TRAM2: variants seen among roughly 807,000 people sequenced by gnomAD.
The protein encoded by TRAM2 is translocation associated membrane protein 2, also known as translocating chain-associated membrane protein 2.
TRAM2 carries 12 observed loss-of-function variants against 51.0 expected under a neutral mutation model. The ratio of observed to expected loss-of-function variants is 0.24; its 90% confidence interval spans 0.15 to 0.38. The LOEUF (loss-of-function observed/expected upper bound fraction) is 0.38. TRAM2 is among the 10% of genes least tolerant of loss of function. TRAM2 has a pLI of 1.00. For missense variants in TRAM2, 361 were observed against 462.0 expected (o/e 0.78, Z 2.00); for synonymous variants, 175 against 179.4 (o/e 0.98, Z 0.20).
chr6:52,514,927 G>A (rs1315745955), intron 4 of TRAM2, among the ~76,000 whole-genome samples: 1 of 152,224 alleles, frequency 6.6e-6, no homozygotes, highest in South Asian at 2.1e-4. Context: ...TTGCCTGAGA[G>A]GACAGAAGTC....
intron 2 of TRAM2, among the ~76,000 whole-genome samples, chr6:52,531,002 C>A (rs1019882649): frequency 1.2e-4 from 18 of 151,770 alleles, no homozygotes; most frequent in Admixed American, 6.6e-5. Flanking sequence ...AAATGATGGA[C>A]CCCCTTGTAT....
chr6:52,508,208 A>G, intron 6 of TRAM2, 26 bp downstream of exon 6: 4 of 1,610,744 alleles, frequency 2.5e-6, no homozygotes, highest in Non-Finnish European at 3.4e-6. Context: ...AATGGCCTCC[A>G]AGAAGGGAGA....
At chr6:52,509,886 C>T (rs1472566077) in intron 4 of TRAM2, among the ~76,000 whole-genome samples, 1 of 152,172 alleles carries the variant, frequency 6.6e-6, no homozygotes, top group Admixed American at 6.5e-5. Context: ...TAATTAGTTT[C>T]CCTAAGCCAC....
intron 1 of TRAM2, among the ~76,000 whole-genome samples, chr6:52,569,363 C>G (rs62405880): frequency 6.7e-5 from 10 of 148,270 alleles, no homozygotes; most frequent in Non-Finnish European, 1.0e-4. Context: ...GTACTCCAGC[C>G]TGGGCGACAA....
intron 2 of TRAM2, among the ~76,000 whole-genome samples, chr6:52,521,353 G>C (rs538967448): frequency 6.6e-6 from 1 of 151,874 alleles, no homozygotes; most frequent in Non-Finnish European, 1.5e-5. Context: ...TGATGTTTTT[G>C]ATTTTTTTTT....
chr6:52,509,476 A>G, intron 5 of TRAM2, 52 bp downstream of exon 5: 1 of 1,576,960 alleles, frequency 6.3e-7, no homozygotes, highest in Non-Finnish European at 8.7e-7. Flanking sequence ...TGGGACAGGA[A>G]GGCAGTGGGC....
chr6:52,528,185 T>C (rs1766818074), intron 2 of TRAM2, among the ~76,000 whole-genome samples: 1 of 152,202 alleles, frequency 6.6e-6, no homozygotes, highest in African/African-American at 2.4e-5. Flanking sequence ...CAGCCCCTCC[T>C]TGGCTCTCGC....
At chr6:52,508,163 T>C in intron 6 of TRAM2, 71 bp downstream of exon 6, 1 of 1,399,934 alleles carries the variant, frequency 7.1e-7, no homozygotes, top group Non-Finnish European at 1.0e-6. Flanking sequence ...GGAAGGGAGG[T>C]ACCCCTGGGA....
chr6:52,517,382 A>C (rs1766571291), intron 2 of TRAM2: 1 of 152,328 alleles, frequency 6.6e-6, no homozygotes, highest in African/African-American at 2.4e-5. Flanking sequence ...TAAGTGCTAT[A>C]TATGCACTTG....
intron 1 of TRAM2, among the ~76,000 whole-genome samples, chr6:52,557,836 A>G (rs188983507): frequency 1.1e-4 from 16 of 152,274 alleles, no homozygotes; most frequent in African/African-American, 3.8e-4. Flanking sequence ...GTTCTCTGCA[A>G]TCTGTTTAGT....
intron 2 of TRAM2, among the ~76,000 whole-genome samples, chr6:52,521,904 A>G (rs1019354008): frequency 6.6e-6 from 1 of 152,194 alleles, no homozygotes; most frequent in African/African-American, 2.4e-5. Context: ...AGTCCAGCAC[A>G]TCTCTGGCCT....
At position 52,510,970 on chromosome 6, in the gene TRAM2, G is replaced by T. The variant is rs769430264; in HGVS notation, c.412-1384C>A. 1.4e-4 allele frequency among the ~76,000 whole-genome samples: 21 copies of T among 152,334 alleles called. No individual in the cohort carries two copies. The Middle Eastern group carries it at 0.01, about 74-fold the overall frequency. On this transcript the variant is annotated intron_variant, in intron 4 of 10. Coordinates refer to ENST00000182527, the MANE Select transcript of TRAM2 (RefSeq NM_012288.4). Reference sequence around the variant, plus strand: ...AATGAATGAATGATGAATGCTTTGGGCAATTTCTCTCTTCTGAAGAAAGGG... The same window carrying T: ...AATGAATGAATGATGAATGCTTTGGTCAATTTCTCTCTTCTGAAGAAAGGG...
At chr6:52,514,446 A>C (rs1230469143) in intron 4 of TRAM2, among the ~76,000 whole-genome samples, 2 of 152,036 alleles carry the variant, frequency 1.3e-5, no homozygotes, top group African/African-American at 4.8e-5. Flanking sequence ...TGCCTATTGA[A>C]TATGTTGAGT....
intron 8 of TRAM2, 136 bp from the exon 9 acceptor site, chr6:52,505,878 T>A: frequency 7.1e-7 from 1 of 1,399,690 alleles, no homozygotes; most frequent in Non-Finnish European, 9.7e-7. Context: ...ACGAGATATC[T>A]AAAATCAGAT....
intron 1 of TRAM2, among the ~76,000 whole-genome samples, 200 bp from the exon 2 acceptor site, chr6:52,536,046 A>ATC (rs1368501930): frequency 6.6e-6 from 1 of 152,226 alleles, no homozygotes; most frequent in Non-Finnish European, 1.5e-5. Flanking sequence ...CCTGGGACTC[A>ATC]GATGGTATCT....
In TRAM2 at chr6:52,500,128, AG is replaced by A. The variant is rs1435865018; in HGVS notation, c.*3068del. On this transcript the variant is annotated 3_prime_UTR_variant, in exon 11 of 11. Coordinates refer to ENST00000182527, the MANE Select transcript of TRAM2 (RefSeq NM_012288.4). ...TTAGCCAGGGCTGTCGAGAGGCCAC[AG>A]TTGCTGGGGTAGGTTTACGTCTTTT... 1.3e-5 allele frequency: 2 copies of A among 152,268 alleles called. No individual in the cohort carries two copies. The highest frequency in any genetic ancestry group is 2.9e-5 in the Non-Finnish European group (2 of 68,132). The allele number at this position is 152,268 out of a possible 1,614,324, so 9.4% of individuals were successfully genotyped here.
chr6:52,523,852 C>G (rs1284248259), intron 2 of TRAM2: 2 of 152,226 alleles, frequency 1.3e-5, no homozygotes, highest in Admixed American at 1.3e-4. Flanking sequence ...TTATAATACA[C>G]CAGGGTTACT....
intron 1 of TRAM2, among the ~76,000 whole-genome samples, chr6:52,572,570 T>C (rs1211982927): frequency 1.3e-5 from 2 of 152,206 alleles, no homozygotes; most frequent in East Asian, 1.9e-4. Context: ...ACCACTGCAC[T>C]CCAGCCTGTG....
chr6:52,576,833 C>T lies in TRAM2; in HGVS notation c.83G>A (p.Cys28Tyr). 1.9e-6 allele frequency: 3 copies of T among 1,613,820 alleles called. No individual in the cohort carries two copies. Among genetic ancestry groups the T allele is most frequent in the Non-Finnish European group, 2.5e-6 (3 of 1,179,830 alleles). The part of the protein sequence containing the change: ...VIHNHADIGF[C>Y]LVLCVLIGLM... ...CCCGATGAGGACGCAGAGCACCAGG[C>T]AGAAGCCGATGTCCGCATGGTTGTG... The change falls in exon 1 of 11, where the codon TGC becomes TAC. Residue 28 changes from cysteine to tyrosine, a missense_variant. By Grantham distance (194) the Cys-to-Tyr change is radical. Transcript: ENST00000182527.
Sources: allele counts gnomAD v4.1 joint callset (sites outside exome capture counted in the v4.1 genomes callset), GRCh38; gene constraint gnomAD v4.1.1; transcripts MANE v1.5; gene names NCBI Gene and HGNC (gene_info 2026-07-23, HGNC 2026-07-21).